The following EMID1 variants were observed in gnomAD, a reference collection of about 807,000 sequenced individuals.
The protein encoded by EMID1 is EMI domain-containing protein 1.
Under a neutral mutation model 60.6 loss-of-function variants are expected in EMID1, and 40 were observed. The ratio of observed to expected loss-of-function variants is 0.66; its 90% confidence interval spans 0.51 to 0.86. The LOEUF is 0.86. Ranked by LOEUF, EMID1 falls within the 40% of genes least tolerant of loss-of-function variation. EMID1 has a pLI of 0.00. For synonymous variants in EMID1, 242 were observed against 231.0 expected (o/e 1.05, Z -0.43); for missense variants, 585 against 597.1 (o/e 0.98, Z 0.21).
chr22:29,215,336 C>A, intron 2 of EMID1, 191 bp from the exon 3 acceptor site: 1 of 948,210 alleles, frequency 1.1e-6, no homozygotes, highest in Non-Finnish European at 1.3e-6. Flanking sequence ...GGTATCCAAT[C>A]TCCAATCCCT....
chr22:29,234,251 C>A, intron 11 of EMID1, 52 bp downstream of exon 11: 1 of 1,611,626 alleles, frequency 6.2e-7, no homozygotes, highest in South Asian at 1.1e-5. Flanking sequence ...TCCTGAGGGC[C>A]CCAGGTCAGA....
chr22:29,222,945 G>T (rs948676148), intron 3 of EMID1, among the ~76,000 whole-genome samples: 3 of 152,092 alleles, frequency 2.0e-5, no homozygotes, highest in African/African-American at 7.2e-5. Context: ...TCAAAAATTA[G>T]CTGGGCATTG....
intron 3 of EMID1, among the ~76,000 whole-genome samples, chr22:29,223,435 T>C (rs947233823): frequency 6.6e-6 from 1 of 152,198 alleles, no homozygotes; most frequent in Non-Finnish European, 1.5e-5. Context: ...AGTACTAAAA[T>C]GACATCACAT....
chr22:29,213,948 A>G (rs1160582681), intron 1 of EMID1, among the ~76,000 whole-genome samples: 1 of 152,186 alleles, frequency 6.6e-6, no homozygotes, highest in East Asian at 1.9e-4. Flanking sequence ...TGACATAAGC[A>G]GTTGTCTTCA....
intron 3 of EMID1, among the ~76,000 whole-genome samples, chr22:29,218,868 G>A (rs776031818): frequency 1.1e-4 from 17 of 152,174 alleles, no homozygotes; most frequent in African/African-American, 1.9e-4. Flanking sequence ...CAGAGAGGGC[G>A]TGGGTCTCAC....
chr22:29,206,814 G>T (rs906490815), intron 1 of EMID1, among the ~76,000 whole-genome samples: 1 of 152,146 alleles, frequency 6.6e-6, no homozygotes, highest in Admixed American at 6.5e-5. Flanking sequence ...ATGAGGTAGG[G>T]AAAACTGTCC....
At chr22:29,255,186 G>GCCCCC (rs1402084484) in intron 14 of EMID1, 4 of 425,448 alleles carry the variant, frequency 9.4e-6, no homozygotes, top group South Asian at 3.3e-5. Flanking sequence ...AGCTGGCAGT[G>GCCCCC]CCCTCCCACC....
chr22:29,221,036 T>C (rs2040270315), intron 3 of EMID1, among the ~76,000 whole-genome samples: 1 of 144,288 alleles, frequency 6.9e-6, no homozygotes, highest in Non-Finnish European at 1.5e-5. Context: ...GCAGCAGCTG[T>C]AGAGATTAGG....
At chr22:29,213,267 AGCTGTTTAG>A (rs1250527319) in intron 1 of EMID1, among the ~76,000 whole-genome samples, 2 of 152,098 alleles carry the variant, frequency 1.3e-5, no homozygotes, top group Non-Finnish European at 2.9e-5. Flanking sequence ...GTGGCTCCAT[AGCTGTTTAG>A]GCTGTTCCCA....
intron 13 of EMID1, among the ~76,000 whole-genome samples, chr22:29,253,039 A>T (rs901199232): frequency 3.9e-5 from 6 of 152,252 alleles, no homozygotes; most frequent in Non-Finnish European, 8.8e-5. Flanking sequence ...CGATGGTTCA[A>T]ATTACAATTT....
At chr22:29,255,535 G>A (rs1171759342) in intron 14 of EMID1, 2 of 499,958 alleles carry the variant, frequency 4.0e-6, no homozygotes, top group Non-Finnish European at 3.5e-6. Context: ...GGTCACTTGA[G>A]TGAATGCGCA....
At chr22:29,226,238 G>C (rs2040504420) in intron 4 of EMID1, among the ~76,000 whole-genome samples, 1 of 152,200 alleles carries the variant, frequency 6.6e-6, no homozygotes, top group African/African-American at 2.4e-5. Flanking sequence ...GAGGCTGCCA[G>C]GGGTCAGGTC....
chr22:29,251,724 G>A (rs2041534958), intron 13 of EMID1, among the ~76,000 whole-genome samples: 1 of 151,964 alleles, frequency 6.6e-6, no homozygotes, highest in Admixed American at 6.6e-5. Context: ...GAGTACAGTG[G>A]TGTGATCTCA....
At chr22:29,233,834 C>T in intron 10 of EMID1, 168 bp downstream of exon 10, 1 of 725,064 alleles carries the variant, frequency 1.4e-6, no homozygotes, top group East Asian at 2.7e-5. Flanking sequence ...AATATGCAAA[C>T]TACCTTCCAT....
intron 3 of EMID1, among the ~76,000 whole-genome samples, chr22:29,223,201 T>G (rs1379749887): frequency 6.6e-6 from 1 of 152,234 alleles, no homozygotes; most frequent in East Asian, 1.9e-4. Context: ...GGGGCTGATG[T>G]TCCAGCCAGG....
intron 7 of EMID1, 43 bp from the exon 8 acceptor site, chr22:29,232,213 C>T (rs768699703): frequency 4.3e-6 from 7 of 1,610,946 alleles, no homozygotes; most frequent in Non-Finnish European, 5.9e-6. Flanking sequence ...CCTGGGCCTC[C>T]TTGCCTCCTG....
At chr22:29,233,695 A>G (rs1418747531) in intron 10 of EMID1, 29 bp downstream of exon 10, 2 of 1,606,328 alleles carry the variant, frequency 1.2e-6, no homozygotes, top group Non-Finnish European at 8.5e-7. Context: ...ACTCTCACCC[A>G]TGTGTCTGTC....
intron 14 of EMID1, among the ~76,000 whole-genome samples, 188 bp from the exon 15 acceptor site, chr22:29,258,629 G>A (rs372269235): frequency 6.6e-6 from 1 of 152,194 alleles, no homozygotes; most frequent in African/African-American, 2.4e-5. Flanking sequence ...CTGGGGGGCT[G>A]GTAAGTCCTG....
At chr22:29,231,182 G>T (rs756157633) in intron 6 of EMID1, 42 bp downstream of exon 6, 1 of 1,548,442 alleles carries the variant, frequency 6.5e-7, no homozygotes, top group Admixed American at 2.0e-5. Context: ...ATGAGCAGTG[G>T]GTTGGGAATC....
Sources: gnomAD v4.1 joint callset for allele counts (sites outside exome capture counted in the v4.1 genomes callset) on GRCh38, gnomAD v4.1.1 for gene constraint, MANE v1.5 for transcripts, NCBI Gene and HGNC (gene_info 2026-07-23, HGNC 2026-07-21) for gene names.